Variants in DNAJC3 observed in about 807,000 individuals in gnomAD.
The protein encoded by DNAJC3 is DnaJ heat shock protein family (Hsp40) member C3.
In DNAJC3, 38 loss-of-function variants were observed where a neutral mutation model predicts 68.6. The observed-to-expected ratio is 0.55, with a 90% CI of 0.43 to 0.73. The LOEUF (loss-of-function observed/expected upper bound fraction) is 0.73, where lower values mean the gene tolerates loss of function less well. Among genes scored for constraint, DNAJC3 ranks in the 30% least tolerant of loss-of-function variants. The probability of loss-of-function intolerance (pLI) is 0.00; values close to 1 mark genes in which losing one functional copy is unlikely to be tolerated. For synonymous variants in DNAJC3, 203 were observed against 204.0 expected (o/e 1.00, Z 0.04); for missense variants, 526 against 591.9 (o/e 0.89, Z 1.16).
chr13:95,725,183 A>G lies in DNAJC3; in HGVS notation c.324A>G (p.Arg108=). 2 of 1,575,462 alleles carry G rather than the reference A, an allele frequency of 1.3e-6. No individual in the cohort carries two copies. The highest frequency in any genetic ancestry group is 1.7e-6 in the Non-Finnish European group (2 of 1,165,254). ...TCTGCCCCCTTTTTTTCTAGGCAAG[A>G]TTACAGAGAGGTCACTTATTACTCA... is the stretch of plus-strand genomic sequence containing the variant. ...IQLKMDFTAA[R]LQRGHLLLKQ... The change falls in exon 4 of 12, where the codon AGA becomes AGG. Residue 108 remains arginine, a synonymous_variant. Coordinates refer to ENST00000602402, the MANE Select transcript of DNAJC3 (RefSeq NM_006260.5).
intron 4 of DNAJC3, among the ~76,000 whole-genome samples, chr13:95,725,944 G>A (rs1297380953): frequency 6.6e-6 from 1 of 150,892 alleles, no homozygotes; most frequent in Admixed American, 6.6e-5. Flanking sequence ...TTGTCCTTGC[G>A]ATAGTTTGCT....
At position 95,677,166 on chromosome 13, in the gene DNAJC3, G is replaced by C; in HGVS notation, c.-90G>C. 4.7e-6 allele frequency: 6 copies of C among 1,265,516 alleles called. No homozygotes were observed. Among genetic ancestry groups the C allele is most frequent in the Non-Finnish European group, 6.6e-6 (6 of 916,024 alleles). The allele number at this position is 1,265,516 out of a possible 1,614,324, so 78.4% of individuals were successfully genotyped here. A position where few individuals can be genotyped will look rare whatever the true frequency, so the allele number is the denominator to read the frequency against. ...AGCCACTGAGGCCTGAGCGAGAGCC[G>C]ACGGCGGGCGGGCGCAGCTGCTGCC... On this transcript the variant is annotated 5_prime_UTR_variant, in exon 1 of 12. Coordinates refer to ENST00000602402, the MANE Select transcript of DNAJC3 (RefSeq NM_006260.5).
At chr13:95,786,652 A>G (rs1299247504) in intron 10 of DNAJC3, among the ~76,000 whole-genome samples, 1 of 152,232 alleles carries the variant, frequency 6.6e-6, no homozygotes, top group Non-Finnish European at 1.5e-5. Flanking sequence ...CATAATTGAA[A>G]GTGGCATTCA....
intron 4 of DNAJC3, chr13:95,744,606 T>C (rs1046103372): frequency 6.6e-6 from 1 of 152,208 alleles, no homozygotes; most frequent in African/African-American, 2.4e-5. Flanking sequence ...AATTCATATG[T>C]ATGTACTTTG....
intron 4 of DNAJC3, among the ~76,000 whole-genome samples, chr13:95,727,795 A>C (rs984789833): frequency 6.6e-6 from 1 of 152,134 alleles, no homozygotes; most frequent in Non-Finnish European, 1.5e-5. Flanking sequence ...ACTTTATCAC[A>C]TGTGTTGGTT....
In DNAJC3 at chr13:95,794,781, T is replaced by A. The variant is rs1020345769; in HGVS notation, c.*3751T>A. 2 of 152,196 alleles carry A rather than the reference T, an allele frequency of 1.3e-5. No individual in the cohort carries two copies. Among genetic ancestry groups the A allele is most frequent in the Non-Finnish European group, 2.9e-5 (2 of 68,040 alleles). 9.4% of individuals were successfully genotyped at this position (152,196 alleles called of 1,614,324 possible). ...GCAAGGAGGAGGTAAACATTGGAGA[T>A]GTTTGTGAAAATATTACTCTTGCTG... is the stretch of plus-strand genomic sequence containing the variant. On this transcript the variant is annotated 3_prime_UTR_variant, in exon 12 of 12. Transcript: ENST00000602402.
At chr13:95,716,257 G>A (rs1017123003) in intron 2 of DNAJC3, among the ~76,000 whole-genome samples, 3 of 152,218 alleles carry the variant, frequency 2.0e-5, no homozygotes. Context: ...GTGCAACAGG[G>A]TTGTGGCTTC....
chr13:95,702,074 T>C (rs1283683399), intron 1 of DNAJC3, among the ~76,000 whole-genome samples: 1 of 152,214 alleles, frequency 6.6e-6, no homozygotes, highest in Non-Finnish European at 1.5e-5. Flanking sequence ...TACATGGCCC[T>C]AAATACTTTA....
chr13:95,688,078 T>C (rs1259727922), intron 1 of DNAJC3, among the ~76,000 whole-genome samples: 1 of 152,224 alleles, frequency 6.6e-6, no homozygotes, highest in Non-Finnish European at 1.5e-5. Context: ...GGCTCTCAGC[T>C]TGAATGTTGT....
chr13:95,700,916 C>G (rs1426680645), intron 1 of DNAJC3, among the ~76,000 whole-genome samples: 1 of 152,202 alleles, frequency 6.6e-6, no homozygotes, highest in Non-Finnish European at 1.5e-5. Context: ...TTAAAGTGTT[C>G]CGCTCCAGAA....
intron 7 of DNAJC3, 86 bp downstream of exon 7, chr13:95,760,884 T>C: frequency 1.3e-6 from 2 of 1,502,058 alleles, no homozygotes; most frequent in Non-Finnish European, 1.8e-6. Flanking sequence ...GCTCTTTTAC[T>C]TCTCAGCCAT....
chr13:95,690,410 C>T (rs1165700742), intron 1 of DNAJC3, among the ~76,000 whole-genome samples: 1 of 151,890 alleles, frequency 6.6e-6, no homozygotes, highest in Non-Finnish European at 1.5e-5. Flanking sequence ...CGGCAACCAT[C>T]CGATTTCTCA....
At chr13:95,725,796 G>A (rs17882528) in intron 4 of DNAJC3, among the ~76,000 whole-genome samples, 46 of 149,450 alleles carry the variant, frequency 3.1e-4, no homozygotes, top group Middle Eastern at 3.4e-3. Context: ...TTAGCATTAG[G>A]TATATCTCCT....
chr13:95,762,984 T>G (rs995906816), intron 7 of DNAJC3, among the ~76,000 whole-genome samples: 1 of 152,270 alleles, frequency 6.6e-6, no homozygotes, highest in Non-Finnish European at 1.5e-5. Flanking sequence ...ATATGAAGAT[T>G]GTAGCACTTT....
intron 9 of DNAJC3, among the ~76,000 whole-genome samples, chr13:95,766,301 T>C (rs1274300506): frequency 1.3e-5 from 2 of 152,182 alleles, no homozygotes; most frequent in Admixed American, 6.5e-5. Context: ...TTCCACTCAA[T>C]AGAAAGCAAG....
At chr13:95,770,275 A>C (rs1207877721) in intron 9 of DNAJC3, among the ~76,000 whole-genome samples, 4 of 152,266 alleles carry the variant, frequency 2.6e-5, no homozygotes, top group South Asian at 2.1e-4. Flanking sequence ...AAAAAAAAAA[A>C]CAAGATTTTT....
chr13:95,776,614 C>T (rs566305375), intron 9 of DNAJC3, among the ~76,000 whole-genome samples: 12 of 152,248 alleles, frequency 7.9e-5, no homozygotes, highest in Non-Finnish European at 1.2e-4. Flanking sequence ...ATTTTGTATA[C>T]GCTCCTGATA....
intron 1 of DNAJC3, among the ~76,000 whole-genome samples, chr13:95,680,420 A>T (rs1879882551): frequency 6.6e-6 from 1 of 152,176 alleles, no homozygotes; most frequent in African/African-American, 2.4e-5. Context: ...ATTTGAACCT[A>T]ACCTATTAAA....
intron 9 of DNAJC3, among the ~76,000 whole-genome samples, chr13:95,780,587 T>C (rs952866025): frequency 7.9e-5 from 12 of 152,230 alleles, no homozygotes; most frequent in Non-Finnish European, 1.5e-4. Flanking sequence ...AGTTTCTTTG[T>C]ATTGTTTTGC....
Sources: allele counts gnomAD v4.1 joint callset (sites outside exome capture counted in the v4.1 genomes callset), GRCh38; gene constraint gnomAD v4.1.1; transcripts MANE v1.5; gene names NCBI Gene and HGNC (gene_info 2026-07-23, HGNC 2026-07-21).